NR6A1: variants seen among roughly 807,000 people sequenced by gnomAD.
The protein encoded by NR6A1 is retinoic acid receptor-related testis-associated receptor.
NR6A1 carries 7 observed loss-of-function variants against 59.1 expected under a neutral mutation model. The ratio of observed to expected loss-of-function variants is 0.12; its 90% CI spans 0.07 to 0.22. The LOEUF is 0.22. NR6A1 is among the 10% of genes least tolerant of loss of function. The pLI is 1.00. For missense variants in NR6A1, 468 were observed against 611.6 expected (o/e 0.77, Z 2.48); for synonymous variants, 243 against 236.1 (o/e 1.03, Z -0.27).
intron 2 of NR6A1, among the ~76,000 whole-genome samples, chr9:124,655,507 T>C (rs951593060): frequency 6.6e-6 from 1 of 152,218 alleles, no homozygotes; most frequent in East Asian, 1.9e-4. Flanking sequence ...TTTATTGATA[T>C]CTACTTCATA....
chr9:124,555,262 T>C (rs1228567629), intron 2 of NR6A1, among the ~76,000 whole-genome samples: 3 of 152,208 alleles, frequency 2.0e-5, no homozygotes, highest in Non-Finnish European at 4.4e-5. Context: ...CCTCTTCCTT[T>C]AAACTGCATT....
At chr9:124,561,423 G>A (rs572078155) in intron 2 of NR6A1, among the ~76,000 whole-genome samples, 25 of 152,122 alleles carry the variant, frequency 1.6e-4, no homozygotes, top group Middle Eastern at 3.4e-3. Context: ...ACGGGGCGGC[G>A]GAATGAGATC....
intron 2 of NR6A1, among the ~76,000 whole-genome samples, chr9:124,682,249 A>C (rs1046040946): frequency 4.0e-5 from 6 of 151,796 alleles, no homozygotes; most frequent in Non-Finnish European, 5.9e-5. Context: ...TGATCCACCC[A>C]CCTCGGCCTC....
Position 124,538,197 on chromosome 9 carries a change from GGCAGAA to G in NR6A1, c.713_718del (p.Leu238_Leu239del). Reference sequence around the variant, plus strand: ...GGGATCCAGGCTGCGAGCTTGTTGGGGCAGAAGTGGTGAGTGGCCAGAATAGCTAAA... The same window carrying G: ...GGGATCCAGGCTGCGAGCTTGTTGGGGTGGTGAGTGGCCAGAATAGCTAAA... On this transcript the variant is annotated inframe_deletion, in exon 6 of 10. Transcript: ENST00000487099. 6.2e-7 allele frequency: 1 copy of G among 1,614,210 alleles called. No homozygotes were observed. The highest frequency in any genetic ancestry group is 8.5e-7 in the Non-Finnish European group (1 of 1,180,040).
chr9:124,527,066 A>G (rs561895702), intron 7 of NR6A1, among the ~76,000 whole-genome samples, 166 bp from the exon 8 acceptor site: 23 of 152,230 alleles, frequency 1.5e-4, no homozygotes, highest in Admixed American at 1.4e-3. Context: ...CTACAGGCCA[A>G]CGTAGCTCAT....
At chr9:124,574,802 T>C (rs970137052) in intron 2 of NR6A1, among the ~76,000 whole-genome samples, 6 of 152,216 alleles carry the variant, frequency 3.9e-5, no homozygotes, top group Non-Finnish European at 8.8e-5. Context: ...AGGGAAATCA[T>C]TCTTCCCACT....
chr9:124,692,608 T>C, intron 2 of NR6A1: 1 of 367,634 alleles, frequency 2.7e-6, no homozygotes, highest in Non-Finnish European at 6.2e-6. Flanking sequence ...ACATGTCACA[T>C]GAGTTCACCA....
chr9:124,599,274 C>G lies in NR6A1; in HGVS notation c.143-44704G>C. The G allele has an allele frequency of 9.7e-6, 4 of 413,612 alleles. No individual in the cohort carries two copies. The East Asian group carries it at 2.2e-4, about 23-fold the overall frequency. The allele number at this position is 413,612 out of a possible 1,614,324, so 25.6% of individuals were successfully genotyped here. On this transcript the variant is annotated intron_variant, in intron 2 of 9. Coordinates refer to ENST00000487099, the MANE Select transcript of NR6A1 (RefSeq NM_033334.4). Reference sequence around the variant, plus strand: ...TCTCGTCAACATGGTGAAACCCCATCTCTACTAAAAATACAAAAAATAGCT... The same window carrying G: ...TCTCGTCAACATGGTGAAACCCCATGTCTACTAAAAATACAAAAAATAGCT...
In NR6A1 at chr9:124,522,563, A is replaced by C; in HGVS notation, c.*142T>G. ...AATGAGGTTAAAAAAACAGACAAAC[A>C]AACAAAAACTCTTCTTGCTATGGAG... On this transcript the variant is annotated 3_prime_UTR_variant, in exon 10 of 10. Transcript: ENST00000487099. 1.8e-6 allele frequency: 1 copy of C among 549,690 alleles called. No homozygotes were observed. Among genetic ancestry groups the C allele is most frequent in the East Asian group, 3.1e-5 (1 of 32,582 alleles). The allele number at this position is 549,690 out of a possible 1,614,324, so 34.1% of individuals were successfully genotyped here.
At chr9:124,744,770 G>GTT (rs1840276864) in intron 1 of NR6A1, among the ~76,000 whole-genome samples, 1 of 152,226 alleles carries the variant, frequency 6.6e-6, no homozygotes, top group Non-Finnish European at 1.5e-5. Flanking sequence ...TGATCAAGGA[G>GTT]TTTGTTTGAA....
At chr9:124,608,478 C>A (rs1052954542) in intron 2 of NR6A1, among the ~76,000 whole-genome samples, 1 of 152,134 alleles carries the variant, frequency 6.6e-6, no homozygotes, top group Admixed American at 6.5e-5. Flanking sequence ...TAATCCTATT[C>A]TTTTTTATGG....
chr9:124,588,613 C>T (rs370000487), intron 2 of NR6A1, among the ~76,000 whole-genome samples: 3 of 147,890 alleles, frequency 2.0e-5, no homozygotes, highest in African/African-American at 4.9e-5. Flanking sequence ...AGGAACACGT[C>T]GTACTGTTAA....
At chr9:124,570,147 G>A (rs1387064802) in intron 2 of NR6A1, among the ~76,000 whole-genome samples, 1 of 152,196 alleles carries the variant, frequency 6.6e-6, no homozygotes, top group Non-Finnish European at 1.5e-5. Flanking sequence ...TAAGTAAAGT[G>A]CTGATTTACT....
At chr9:124,571,443 C>T (rs966180374) in intron 2 of NR6A1, among the ~76,000 whole-genome samples, 1 of 152,212 alleles carries the variant, frequency 6.6e-6, no homozygotes, top group Non-Finnish European at 1.5e-5. Context: ...GCTCAGCCCA[C>T]ACCAATCTTT....
chr9:124,635,140 AATCCT>A (rs1470066656), intron 2 of NR6A1, among the ~76,000 whole-genome samples: 1 of 152,106 alleles, frequency 6.6e-6, no homozygotes, highest in Non-Finnish European at 1.5e-5. Context: ...CTGTCCTAAA[AATCCT>A]CTGTGCTCTG....
At chr9:124,639,032 T>C (rs1027192486) in intron 2 of NR6A1, among the ~76,000 whole-genome samples, 1 of 152,200 alleles carries the variant, frequency 6.6e-6, no homozygotes, top group Non-Finnish European at 1.5e-5. Flanking sequence ...GTAGCCATAA[T>C]AGTTAACACA....
At chr9:124,692,429 G>C (rs1310464341) in intron 2 of NR6A1, 1 of 527,698 alleles carries the variant, frequency 1.9e-6, no homozygotes, top group Non-Finnish European at 3.9e-6. Context: ...TTGGGATGTG[G>C]ATGGGAGAAT....
chr9:124,669,497 A>G (rs1313873162), intron 2 of NR6A1, among the ~76,000 whole-genome samples: 1 of 152,224 alleles, frequency 6.6e-6, no homozygotes, highest in Non-Finnish European at 1.5e-5. Flanking sequence ...TGGCCCTCTT[A>G]TATCACAGAA....
At chr9:124,575,948 C>G (rs62581819) in intron 2 of NR6A1, among the ~76,000 whole-genome samples, 35 of 152,256 alleles carry the variant, frequency 2.3e-4, no homozygotes, top group African/African-American at 8.4e-4. Context: ...TATGAAGGAG[C>G]GCCCAGGAAT....
Sources: allele counts gnomAD v4.1 joint callset (sites outside exome capture counted in the v4.1 genomes callset), GRCh38; gene constraint gnomAD v4.1.1; transcripts MANE v1.5; gene names NCBI Gene and HGNC (gene_info 2026-07-23, HGNC 2026-07-21).